The following PDLIM1 variants were observed in gnomAD, a reference collection of about 807,000 sequenced individuals.
PDLIM1 encodes the protein PDZ and LIM domain protein 1.
In PDLIM1, 25 loss-of-function variants were observed where a neutral mutation model predicts 35.2. That is an observed-to-expected ratio of 0.71 (90% confidence interval 0.52 to 0.99). The LOEUF (loss-of-function observed/expected upper bound fraction) is 0.99, where lower values mean the gene tolerates loss of function less well. Ranked by LOEUF, PDLIM1 falls within the 50% of genes least tolerant of loss-of-function variation. The pLI is 0.00. For synonymous variants in PDLIM1, 152 were observed against 154.0 expected (o/e 0.99, Z 0.10); for missense variants, 363 against 415.3 (o/e 0.87, Z 1.09).
intron 4 of PDLIM1, among the ~76,000 whole-genome samples, chr10:95,253,107 A>T (rs2035280563): frequency 6.6e-6 from 1 of 152,210 alleles, no homozygotes; most frequent in Admixed American, 6.5e-5. Flanking sequence ...ACAACAAAGA[A>T]AGAATTTCCA....
intron 1 of PDLIM1, among the ~76,000 whole-genome samples, chr10:95,281,657 T>C (rs766143469): frequency 1.3e-5 from 2 of 152,128 alleles, no homozygotes; most frequent in Non-Finnish European, 2.9e-5. Flanking sequence ...ATAAGTAATT[T>C]TGTTGTTTTT....
chr10:95,258,528 C>A (rs1254656498), intron 4 of PDLIM1, among the ~76,000 whole-genome samples: 1 of 151,972 alleles, frequency 6.6e-6, no homozygotes, highest in Non-Finnish European at 1.5e-5. Context: ...GAAGGAAATT[C>A]TGTCATATAT....
intron 2 of PDLIM1, among the ~76,000 whole-genome samples, chr10:95,270,571 T>C (rs1239663229): frequency 6.6e-6 from 1 of 152,172 alleles, no homozygotes; most frequent in Non-Finnish European, 1.5e-5. Context: ...AATTCTACCC[T>C]AATTACAGCT....
At chr10:95,249,945 C>G (rs1290016375) in intron 4 of PDLIM1, among the ~76,000 whole-genome samples, 3 of 152,208 alleles carry the variant, frequency 2.0e-5, no homozygotes, top group African/African-American at 7.2e-5. Context: ...CCTGTCCTGC[C>G]CACTCCTGCT....
intron 5 of PDLIM1, among the ~76,000 whole-genome samples, chr10:95,241,129 C>T (rs1181410928): frequency 6.6e-6 from 1 of 152,178 alleles, no homozygotes; most frequent in African/African-American, 2.4e-5. Flanking sequence ...CGGGCAATCG[C>T]GGGGCTGACA....
chr10:95,261,441 G>A (rs563366463), intron 4 of PDLIM1, among the ~76,000 whole-genome samples: 2 of 152,236 alleles, frequency 1.3e-5, no homozygotes, highest in Admixed American at 6.5e-5. Context: ...GAGCTGCTTG[G>A]AAGCTTCCTC....
At chr10:95,253,828 AT>A (rs1162444213) in intron 4 of PDLIM1, among the ~76,000 whole-genome samples, 3 of 152,186 alleles carry the variant, frequency 2.0e-5, no homozygotes, top group East Asian at 3.9e-4. Context: ...AAAAGGATCT[AT>A]TTTAACTATA....
At chr10:95,269,297 C>T (rs2035441554) in intron 2 of PDLIM1, among the ~76,000 whole-genome samples, 3 of 151,996 alleles carry the variant, frequency 2.0e-5, no homozygotes, top group South Asian at 4.2e-4. Flanking sequence ...CTTGGCCGGG[C>T]GTGGTGGCTC....
intron 4 of PDLIM1, among the ~76,000 whole-genome samples, chr10:95,258,612 T>C (rs975306973): frequency 6.6e-6 from 1 of 152,152 alleles, no homozygotes; most frequent in Non-Finnish European, 1.5e-5. Context: ...TTATATGAGA[T>C]ATCTAAAGTA....
intron 1 of PDLIM1, among the ~76,000 whole-genome samples, chr10:95,274,071 A>AT (rs2035489909): frequency 6.6e-6 from 1 of 152,174 alleles, no homozygotes; most frequent in East Asian, 1.9e-4. Context: ...CCTTAGGATG[A>AT]AATCCAAAAT....
At chr10:95,246,238 AG>A (rs1439934855) in intron 5 of PDLIM1, among the ~76,000 whole-genome samples, 1 of 152,216 alleles carries the variant, frequency 6.6e-6, no homozygotes. Flanking sequence ...AGGAACTACC[AG>A]GGAAGAAGCG....
intron 5 of PDLIM1, 169 bp from the exon 6 acceptor site, chr10:95,238,854 A>G (rs2035150033): frequency 1.9e-6 from 1 of 539,932 alleles, no homozygotes; most frequent in Admixed American, 3.1e-5. Flanking sequence ...TCCCCAGTTT[A>G]TTTTTCTATA....
intron 1 of PDLIM1, 112 bp from the exon 2 acceptor site, chr10:95,271,896 C>A (rs2035468174): frequency 1.1e-6 from 1 of 898,058 alleles, no homozygotes; most frequent in African/African-American, 1.7e-5. Context: ...GAAAAGAGGG[C>A]TGAAATCATA....
At chr10:95,253,690 G>A (rs1403026482) in intron 4 of PDLIM1, among the ~76,000 whole-genome samples, 2 of 150,728 alleles carry the variant, frequency 1.3e-5, no homozygotes, top group Admixed American at 6.6e-5. Context: ...TTGGAATATC[G>A]AGAATGAAAA....
intron 4 of PDLIM1, among the ~76,000 whole-genome samples, chr10:95,259,688 T>G (rs937649394): frequency 6.6e-6 from 1 of 152,224 alleles, no homozygotes; most frequent in African/African-American, 2.4e-5. Flanking sequence ...AGAGGTGTAC[T>G]TCTGATTCAG....
chr10:95,274,460 T>C (rs988735873), intron 1 of PDLIM1, among the ~76,000 whole-genome samples: 1 of 151,732 alleles, frequency 6.6e-6, no homozygotes, highest in African/African-American at 2.4e-5. Context: ...GCCCAGCTAA[T>C]TTTTTGTATT....
intron 1 of PDLIM1, among the ~76,000 whole-genome samples, chr10:95,287,091 G>A (rs2035609283): frequency 2.6e-5 from 4 of 152,168 alleles, no homozygotes; most frequent in African/African-American, 9.7e-5. Flanking sequence ...AATGTAGTAT[G>A]GGCTCAGGCA....
At chr10:95,278,284 C>T (rs2035530625) in intron 1 of PDLIM1, among the ~76,000 whole-genome samples, 1 of 152,212 alleles carries the variant, frequency 6.6e-6, no homozygotes, top group Non-Finnish European at 1.5e-5. Context: ...ACAGCTTTGA[C>T]ATCAGAAGGC....
chr10:95,270,757 AT>A (rs796797386), intron 2 of PDLIM1, among the ~76,000 whole-genome samples: 23 of 146,558 alleles, frequency 1.6e-4, no homozygotes, highest in South Asian at 2.2e-4. Context: ...TCCTAAGGAC[AT>A]TTTTTTTTTT....
Sources: allele counts gnomAD v4.1 joint callset (sites outside exome capture counted in the v4.1 genomes callset), GRCh38; gene constraint gnomAD v4.1.1; transcripts MANE v1.5; gene names NCBI Gene and HGNC (gene_info 2026-07-23, HGNC 2026-07-21).